The following CCDC175 variants were observed in gnomAD, a reference collection of about 807,000 sequenced individuals.
The protein encoded by CCDC175 is coiled-coil domain containing 175.
Under a neutral mutation model 114.6 loss-of-function variants are expected in CCDC175, and 100 were observed. The observed-to-expected ratio is 0.87, with a 90% CI of 0.74 to 1.03. CCDC175 has a LOEUF of 1.03. Ranked by LOEUF, CCDC175 falls within the 50% of genes least tolerant of loss-of-function variation. The pLI is 0.00. For synonymous variants in CCDC175, 306 were observed against 308.7 expected (o/e 0.99, Z 0.09); for missense variants, 880 against 917.8 (o/e 0.96, Z 0.53).
At chr14:59,527,292 G>A (rs1373196520) in intron 14 of CCDC175, 118 bp from the exon 15 acceptor site, 1 of 548,032 alleles carries the variant, frequency 1.8e-6, no homozygotes, top group Admixed American at 3.9e-5. Context: ...AAAACCAACT[G>A]TCAGGCACTC....
At chr14:59,558,697 T>C (rs1353258642) in intron 7 of CCDC175, among the ~76,000 whole-genome samples, 4 of 152,258 alleles carry the variant, frequency 2.6e-5, no homozygotes, top group South Asian at 2.1e-4. Context: ...GTTATATCTA[T>C]ATAAGACAGA....
intron 7 of CCDC175, among the ~76,000 whole-genome samples, chr14:59,556,596 T>A (rs1043672725): frequency 3.3e-5 from 5 of 151,860 alleles, no homozygotes; most frequent in Non-Finnish European, 7.4e-5. Context: ...GCAACAAAAG[T>A]CAAAATTGAC....
intron 7 of CCDC175, among the ~76,000 whole-genome samples, chr14:59,552,638 G>A (rs1895595845): frequency 6.6e-6 from 1 of 152,190 alleles, no homozygotes; most frequent in Non-Finnish European, 1.5e-5. Flanking sequence ...CAAGTTGAGA[G>A]AAGAAGGCCA....
intron 8 of CCDC175, among the ~76,000 whole-genome samples, chr14:59,549,989 C>T (rs1895367271): frequency 1.3e-5 from 2 of 152,050 alleles, no homozygotes; most frequent in Non-Finnish European, 2.9e-5. Context: ...CAGCTCACTG[C>T]AACCTCTGTC....
chr14:59,516,270 G>A (rs1893079424), intron 17 of CCDC175, among the ~76,000 whole-genome samples: 1 of 152,100 alleles, frequency 6.6e-6, no homozygotes, highest in East Asian at 1.9e-4. Flanking sequence ...AGAGAAGCAA[G>A]AGCAAACACA....
chr14:59,553,673 T>A (rs1357377347), intron 7 of CCDC175, among the ~76,000 whole-genome samples: 5 of 152,006 alleles, frequency 3.3e-5, no homozygotes, highest in African/African-American at 1.2e-4. Context: ...GACTGGCAAA[T>A]TGGATAAAAA....
chr14:59,553,933 C>A (rs1477653433), intron 7 of CCDC175, among the ~76,000 whole-genome samples: 4 of 152,168 alleles, frequency 2.6e-5, no homozygotes, highest in African/African-American at 9.7e-5. Flanking sequence ...AATATATATG[C>A]ACCCAATACA....
At chr14:59,574,272 A>C (rs895594810) in intron 2 of CCDC175, among the ~76,000 whole-genome samples, 1 of 152,206 alleles carries the variant, frequency 6.6e-6, no homozygotes, top group African/African-American at 2.4e-5. Flanking sequence ...TATGTAGTAA[A>C]TTCTTATCCA....
chr14:59,559,878 A>G (rs1413993354), intron 7 of CCDC175, among the ~76,000 whole-genome samples: 1 of 147,362 alleles, frequency 6.8e-6, no homozygotes, highest in Non-Finnish European at 1.5e-5. Context: ...AATCATTACA[A>G]ATGGAAGATC....
chr14:59,565,134 C>T lies in CCDC175; in HGVS notation c.633G>A (p.Leu211=). The T allele has an allele frequency of 1.3e-6, 2 of 1,537,390 alleles. No homozygotes were observed. Among genetic ancestry groups the T allele is most frequent in the South Asian group, 1.2e-5 (1 of 83,994 alleles). The part of the protein sequence containing the change: ...KINLKREDIA[L]QKKCIQEAEE... ...CTGCCTCTTGAATACATTTTTTTTG[C>T]AATGCTATGTCTTCTCTCTTCAAGT... Residue 211 remains leucine, a synonymous_variant, in exon 5 of 20, where the codon TTG becomes TTA. Coordinates refer to ENST00000537690, the MANE Select transcript of CCDC175 (RefSeq NM_001164399.2).
At chr14:59,544,297 G>T (rs1193612538) in intron 9 of CCDC175, among the ~76,000 whole-genome samples, 4 of 152,092 alleles carry the variant, frequency 2.6e-5, no homozygotes, top group African/African-American at 9.7e-5. Flanking sequence ...TTTCAGAGTA[G>T]CTGGGATTAC....
rs1413075997 is a variant in CCDC175 at position 59,519,305 on chromosome 14, TTAAAG to T, written c.2098+2264_2098+2268del. Among the ~76,000 whole-genome samples the T allele has an allele frequency of 6.6e-5, 10 of 151,698 alleles. No individual in the cohort carries two copies. In the South Asian group the frequency reaches 1.0e-3, roughly 16 times the overall value. The stretch of plus-strand genomic sequence containing the variant: ...ACATTGTGCACATGTACCGTAAAAC[TTAAAG>T]TATAGTAATAAAAAAAAAGTTCACT... On this transcript the variant is annotated intron_variant, in intron 17 of 19. Coordinates refer to ENST00000537690, the MANE Select transcript of CCDC175 (RefSeq NM_001164399.2).
Position 59,538,807 on chromosome 14 carries a change from T to C in CCDC175, c.1389A>G (p.Arg463=). ...VITQWKMACL[R]KKHARWTAKI... ...TGGCTGTCCAACGTGCATGCTTTTT[T>C]CTCAAGCAAGCCATTTTCCACTGAG... The change falls in exon 12 of 20, where the codon AGA becomes AGG. Residue 463 remains arginine (R), a synonymous_variant. Coordinates refer to ENST00000537690, the MANE Select transcript of CCDC175 (RefSeq NM_001164399.2). The C allele has an allele frequency of 2.0e-6, 3 of 1,536,876 alleles. No individual in the cohort carries two copies. The South Asian group carries it at 3.6e-5, about 18-fold the overall frequency.
At chr14:59,570,513 G>C (rs1055200722) in intron 3 of CCDC175, among the ~76,000 whole-genome samples, 4 of 151,560 alleles carry the variant, frequency 2.6e-5, no homozygotes, top group African/African-American at 9.7e-5. Context: ...TGTGTGTAGA[G>C]CATTTATTGG....
intron 17 of CCDC175, among the ~76,000 whole-genome samples, chr14:59,514,532 T>A (rs1427261317): frequency 6.6e-6 from 1 of 152,168 alleles, no homozygotes; most frequent in Non-Finnish European, 1.5e-5. Context: ...TAAGCCTCAG[T>A]AGCCGATTAG....
chr14:59,574,194 G>C (rs1213533830), intron 2 of CCDC175, among the ~76,000 whole-genome samples: 1 of 152,170 alleles, frequency 6.6e-6, no homozygotes, highest in Non-Finnish European at 1.5e-5. Flanking sequence ...AAAGTAGTAA[G>C]AGTTTTATCA....
intron 2 of CCDC175, 114 bp downstream of exon 2, chr14:59,574,829 G>T (rs1346861323): frequency 3.6e-6 from 2 of 561,142 alleles, no homozygotes; most frequent in East Asian, 3.1e-5. Context: ...TAAGTTCAGG[G>T]TAACTATATT....
intron 1 of CCDC175, among the ~76,000 whole-genome samples, chr14:59,575,337 A>G (rs2140139812): frequency 6.6e-6 from 1 of 152,312 alleles, no homozygotes; most frequent in East Asian, 1.9e-4. Context: ...CTAGACATTA[A>G]CAGAAAAATG....
chr14:59,565,299 G>A (rs1207575772), intron 4 of CCDC175, 24 bp from the exon 5 acceptor site: 1 of 1,517,650 alleles, frequency 6.6e-7, no homozygotes, highest in Admixed American at 2.0e-5. Context: ...ATTGCTCACA[G>A]AGTGAGAAGC....
Sources: gnomAD v4.1 joint callset for allele counts (sites outside exome capture counted in the v4.1 genomes callset) on GRCh38, gnomAD v4.1.1 for gene constraint, MANE v1.5 for transcripts, NCBI Gene and HGNC (gene_info 2026-07-23, HGNC 2026-07-21) for gene names.